SCARA5: variants seen among roughly 807,000 people sequenced by gnomAD.
The protein encoded by SCARA5 is scavenger receptor class A, member 5 (putative).
A neutral mutation model predicts 46.3 loss-of-function variants in SCARA5; 45 were observed. That is an observed-to-expected ratio of 0.97 (90% CI 0.76 to 1.24). The LOEUF (loss-of-function observed/expected upper bound fraction) is 1.24, where lower values mean the gene tolerates loss of function less well. Among genes scored for constraint, SCARA5 ranks in the 50% most tolerant of loss-of-function variants. The probability of loss-of-function intolerance (pLI) is 0.00; values close to 1 mark genes in which losing one functional copy is unlikely to be tolerated. For synonymous variants in SCARA5, 333 were observed against 306.5 expected, an observed-to-expected ratio of 1.09 and a Z score of -0.90; for missense variants, 680 against 689.0, an observed-to-expected ratio of 0.99 and a Z score of 0.15.
chr8:27,910,623 C>T (rs752917478), intron 4 of SCARA5, among the ~76,000 whole-genome samples: 4 of 152,100 alleles, frequency 2.6e-5, no homozygotes, highest in African/African-American at 7.2e-5. Flanking sequence ...GGAGGGAGGC[C>T]GAGGCAGAGC....
rs757186800 is a variant in SCARA5 at position 27,921,692 on chromosome 8, C to T, written c.795G>A (p.Ala265=). ...ASEDTRRLRL[A]HVGMELQLKQ... ...TCAGCTGCAGCTCCATGCCTACGTG[C>T]GCCAGGCGCAGGCGGCGCGTGTCCT... The change falls in exon 4 of 9, where the codon GCG becomes GCA. Residue 265 remains alanine, a synonymous_variant. Transcript: ENST00000354914. 1.2e-6 allele frequency: 2 copies of T among 1,607,050 alleles called. No homozygotes were observed. The highest frequency in any genetic ancestry group is 8.5e-7 in the Non-Finnish European group (1 of 1,177,218).
intron 6 of SCARA5, among the ~76,000 whole-genome samples, chr8:27,905,285 T>C (rs972477398): frequency 3.9e-5 from 6 of 152,008 alleles, no homozygotes; most frequent in African/African-American, 1.2e-4. Context: ...TACCAGGGAA[T>C]TGTGGCATTT....
At chr8:27,888,172 C>A (rs6990198) in intron 7 of SCARA5, among the ~76,000 whole-genome samples, 56,111 of 151,926 alleles carry the variant, frequency 0.37, 11,142 homozygotes, top group African/African-American at 0.49. Context: ...TTCTCTCCCG[C>A]CTCAGCCTCC....
chr8:27,933,489 A>G (rs571920145), intron 3 of SCARA5, among the ~76,000 whole-genome samples: 2 of 149,722 alleles, frequency 1.3e-5, no homozygotes, highest in East Asian at 3.9e-4. Context: ...GCCACTGCAC[A>G]GCAGCCTGGG....
chr8:27,981,182 A>G (rs1276754454), intron 2 of SCARA5, among the ~76,000 whole-genome samples: 1 of 152,152 alleles, frequency 6.6e-6, no homozygotes, highest in South Asian at 2.1e-4. Context: ...AGACAAGGAC[A>G]CTCAAGATTA....
chr8:27,933,060 A>C (rs553062399), intron 3 of SCARA5, among the ~76,000 whole-genome samples: 14 of 152,328 alleles, frequency 9.2e-5, no homozygotes, highest in Middle Eastern at 3.4e-3. Context: ...TTAGGGATTC[A>C]ACATGTGAAT....
intron 3 of SCARA5, among the ~76,000 whole-genome samples, chr8:27,940,764 A>ATCCG (rs1326092159): frequency 8.1e-6 from 1 of 123,120 alleles, no homozygotes; most frequent in Non-Finnish European, 1.6e-5. Flanking sequence ...CCATCTGTCC[A>ATCCG]TCCATCCATC....
chr8:27,892,700 C>T (rs1327051522), intron 7 of SCARA5, among the ~76,000 whole-genome samples: 2 of 151,610 alleles, frequency 1.3e-5, no homozygotes, highest in Admixed American at 6.6e-5. Context: ...GCCCCGCCTC[C>T]GGGGTTCACG....
chr8:27,916,576 C>A (rs146077449), intron 4 of SCARA5, among the ~76,000 whole-genome samples: 6 of 152,302 alleles, frequency 3.9e-5, no homozygotes, highest in African/African-American at 1.2e-4. Flanking sequence ...CCACTGCAGA[C>A]AGCAGTATGG....
In SCARA5 at chr8:27,873,879, G is replaced by A. The variant is rs527391993; in HGVS notation, c.1352-1809C>T. ...CTACTAAAAACCCCGTCTCTACCCC[G>A]TCTCTACCAAAAACACAAAAATTGG... On this transcript the variant is annotated intron_variant, in intron 8 of 8. Coordinates refer to ENST00000354914, the MANE Select transcript of SCARA5 (RefSeq NM_173833.6). 1.2e-4 allele frequency among the ~76,000 whole-genome samples: 19 copies of A among 152,110 alleles called. No homozygotes were observed. The East Asian group carries it at 2.1e-3, about 17-fold the overall frequency.
chr8:27,942,119 G>T (rs1357885088), intron 3 of SCARA5, among the ~76,000 whole-genome samples: 4 of 151,990 alleles, frequency 2.6e-5, no homozygotes, highest in African/African-American at 9.7e-5. Flanking sequence ...GTGAGCCACT[G>T]CGCCCAGCCC....
chr8:27,909,052 A>C (rs1004823979), intron 5 of SCARA5: 9 of 152,232 alleles, frequency 5.9e-5, no homozygotes, highest in African/African-American at 2.2e-4. Flanking sequence ...ACAGACTGGC[A>C]GGCAAGGTAC....
chr8:27,964,809 C>T (rs755685931), intron 3 of SCARA5, among the ~76,000 whole-genome samples: 20 of 152,142 alleles, frequency 1.3e-4, no homozygotes, highest in South Asian at 4.1e-4. Flanking sequence ...TGGTCCCTCT[C>T]CTCCAGACCC....
chr8:27,946,113 T>C (rs896099737), intron 3 of SCARA5, among the ~76,000 whole-genome samples: 3 of 152,236 alleles, frequency 2.0e-5, no homozygotes, highest in Non-Finnish European at 4.4e-5. Context: ...CACTCTCTTA[T>C]TTGTAGCAGT....
intron 3 of SCARA5, among the ~76,000 whole-genome samples, chr8:27,964,751 A>T (rs1380079198): frequency 6.6e-6 from 1 of 151,944 alleles, no homozygotes; most frequent in Non-Finnish European, 1.5e-5. Flanking sequence ...CCAAGAGACG[A>T]TGCCCTTCCA....
chr8:27,888,248 C>A lies in SCARA5; in HGVS notation c.1154-8482G>T, dbSNP rs141906757. Among the ~76,000 whole-genome samples, 246 of 152,254 alleles carry A rather than the reference C, an allele frequency of 1.6e-3. 2 individuals are homozygous for A. Among genetic ancestry groups the A allele is most frequent in the African/African-American group, 5.5e-3 (229 of 41,526 alleles). Reference sequence around the variant, plus strand: ...CTAATGATTGTGTTTATTCTTTATTCTCCAGTGCCACAGAATAAAGGAAAA... The same window carrying A: ...CTAATGATTGTGTTTATTCTTTATTATCCAGTGCCACAGAATAAAGGAAAA... On this transcript the variant is annotated intron_variant, in intron 7 of 8. Coordinates refer to ENST00000354914, the MANE Select transcript of SCARA5 (RefSeq NM_173833.6).
chr8:27,960,960 A>T (rs1465097690), intron 3 of SCARA5, among the ~76,000 whole-genome samples: 1 of 152,184 alleles, frequency 6.6e-6, no homozygotes, highest in East Asian at 1.9e-4. Context: ...AATCTTGCCC[A>T]ATTTGCTCAC....
chr8:27,919,309 T>A (rs56322485), intron 4 of SCARA5, among the ~76,000 whole-genome samples: 52,983 of 148,078 alleles, frequency 0.36, 9,838 homozygotes, highest in African/African-American at 0.39. Flanking sequence ...GCCCTGCAGG[T>A]GCAGGAGCCT....
intron 7 of SCARA5, among the ~76,000 whole-genome samples, chr8:27,883,624 G>A (rs1488951616): frequency 6.6e-6 from 1 of 152,198 alleles, no homozygotes; most frequent in Non-Finnish European, 1.5e-5. Flanking sequence ...GCTGTGGACT[G>A]GCATTTAGAT....
Sources: allele counts gnomAD v4.1 joint callset (sites outside exome capture counted in the v4.1 genomes callset), GRCh38; gene constraint gnomAD v4.1.1; transcripts MANE v1.5; gene names NCBI Gene and HGNC (gene_info 2026-07-23, HGNC 2026-07-21).